RC3H2: variants seen among roughly 807,000 people sequenced by gnomAD.
The protein encoded by RC3H2 is roquin-2.
A neutral mutation model predicts 133.3 loss-of-function variants in RC3H2; 31 were observed. The observed-to-expected ratio is 0.23, with a 90% CI of 0.17 to 0.31. The LOEUF is 0.31. RC3H2 is among the 10% of genes least tolerant of loss of function. The pLI is 1.00. For synonymous variants in RC3H2, 517 were observed against 502.2 expected, an observed-to-expected ratio of 1.03 and a Z score of -0.40; for missense variants, 1,175 against 1,437.2, an observed-to-expected ratio of 0.82 and a Z score of 2.95.
In RC3H2 at chr9:122,855,813, A is replaced by G; in HGVS notation, c.2520T>C (p.Ser840=). 6.2e-7 allele frequency: 1 copy of G among 1,613,836 alleles called. No homozygotes were observed. The highest frequency in any genetic ancestry group is 8.5e-7 in the Non-Finnish European group (1 of 1,179,798). The part of the protein sequence containing the change: ...EDHLSHYSPW[S]CGTIGSCINA... The stretch of plus-strand genomic sequence containing the variant: ...TTATACAGGAGCCTATGGTGCCACA[A>G]GACCAGGGAGAATAATGGGAAAGAT... Residue 840 remains serine (S), a synonymous_variant, in exon 14 of 21, where the codon TCT becomes TCC. Coordinates refer to ENST00000357244, the MANE Select transcript of RC3H2 (RefSeq NM_001100588.3).
rs1183512993 is a variant in RC3H2, at chr9:122,899,090, GTTTTTTTTTTTTTT to G, written c.-67-1528_-67-1515del. On this transcript the variant is annotated intron_variant, in intron 1 of 20. Transcript: ENST00000357244. ...AAAAAATTCTATTAGCCTTTATTGT[GTTTTTTTTTTTTTT>G]TTTTTTTTTTTTTTCAGAGACAGAG... 1.4e-3 allele frequency among the ~76,000 whole-genome samples: 128 copies of G among 88,396 alleles called. 1 individual carries two copies. The highest frequency in any genetic ancestry group is 5.8e-3 in the African/African-American group (120 of 20,794). The allele number at this position is 88,396 out of a possible 152,430, so 58.0% of individuals were successfully genotyped here.
intron 1 of RC3H2, among the ~76,000 whole-genome samples, chr9:122,899,090 GTTTTT>G (rs1183512993): frequency 0.011 from 972 of 88,122 alleles, 4 homozygotes; most frequent in East Asian, 0.042. Flanking sequence ...CCTTTATTGT[GTTTTT>G]TTTTTTTTTT....
chr9:122,882,264 G>T (rs1303917401), intron 5 of RC3H2, among the ~76,000 whole-genome samples: 1 of 152,150 alleles, frequency 6.6e-6, no homozygotes, highest in African/African-American at 2.4e-5. Flanking sequence ...TTCAATTGTT[G>T]CCCTAAGAGC....
In RC3H2 at chr9:122,890,552, G is replaced by A; in HGVS notation, c.350-7C>T. 4 of 1,581,928 alleles carry A rather than the reference G, an allele frequency of 2.5e-6. No individual in the cohort carries two copies. Among genetic ancestry groups the A allele is most frequent in the Non-Finnish European group, 2.6e-6 (3 of 1,161,304 alleles). Reference sequence around the variant, plus strand: ...TGGTTCAAGCTAGCTACACCTTTAGGAAAAGGGAAACAAAGGGAGCTAAAG... The same window carrying A: ...TGGTTCAAGCTAGCTACACCTTTAGAAAAAGGGAAACAAAGGGAGCTAAAG... On this transcript the variant is annotated splice_polypyrimidine_tract_variant and splice_region_variant and intron_variant, in intron 3 of 20. Transcript: ENST00000357244.
At position 122,905,332 on chromosome 9, in the gene RC3H2, C is replaced by G; in HGVS notation, c.-290G>C. ...CCTCCGCCTCCTCCTCCTCCTCCTC[C>G]TCACCACGGAGGCGGACCTGGAGGG... On this transcript the variant is annotated 5_prime_UTR_variant, in exon 1 of 21. Coordinates refer to ENST00000357244, the MANE Select transcript of RC3H2 (RefSeq NM_001100588.3). 1 of 962,830 alleles carries G rather than the reference C, an allele frequency of 1.0e-6. No homozygotes were observed. Among genetic ancestry groups the G allele is most frequent in the Non-Finnish European group, 1.2e-6 (1 of 809,110 alleles). 59.6% of individuals were successfully genotyped at this position (962,830 alleles called of 1,614,324 possible).
intron 9 of RC3H2, chr9:122,874,735 G>C (rs1278639359): frequency 6.4e-6 from 1 of 156,612 alleles, no homozygotes; most frequent in Non-Finnish European, 1.4e-5. Flanking sequence ...GCCCAGGCTG[G>C]TCTCAAACTC....
chr9:122,854,357 C>T, intron 16 of RC3H2, 91 bp from the exon 17 acceptor site: 1 of 1,273,444 alleles, frequency 7.9e-7, no homozygotes, highest in Non-Finnish European at 1.1e-6. Flanking sequence ...GACAGATCAA[C>T]CCTGAAAACT....
At position 122,865,465 on chromosome 9, in the gene RC3H2, T is replaced by A. The variant is rs1217089648; in HGVS notation, c.1518A>T (p.Leu506=). 3 of 1,614,214 alleles carry A rather than the reference T, an allele frequency of 1.9e-6. No individual in the cohort carries two copies. The highest frequency in any genetic ancestry group is 2.5e-6 in the Non-Finnish European group (3 of 1,180,038). The change falls in exon 10 of 21, where the codon CTA becomes CTT. Residue 506 remains leucine, a synonymous_variant. Coordinates refer to ENST00000357244, the MANE Select transcript of RC3H2 (RefSeq NM_001100588.3). ...AGGTACTGTCAGTACTACGTGAGAT[T>A]AGCTGGGAAACACTGTTTTCTGCAT... The part of the protein sequence containing the change: ...ISNAENSVSQ[L]ISRSTDSTLR...
intron 18 of RC3H2, 56 bp from the exon 19 acceptor site, chr9:122,851,492 C>T: frequency 6.3e-7 from 1 of 1,584,390 alleles, no homozygotes; most frequent in Non-Finnish European, 8.6e-7. Context: ...CCATGGTCTC[C>T]CTCTCCCCAT....
chr9:122,865,559 T>C lies in RC3H2; in HGVS notation c.1424A>G (p.Asn475Ser). 6.2e-7 allele frequency: 1 copy of C among 1,614,214 alleles called. No individual in the cohort carries two copies. Reference protein sequence around the residue: ...VNNTVTTTAGNVISVIGSTET... With the variant: ...VNNTVTTTAGSVISVIGSTET... ...AGTACTTCCTATGACAGAAATGACATTTCCGGCTGTGGTTGTGACAGTGTT... is the reference window on the plus strand; with the variant it reads ...AGTACTTCCTATGACAGAAATGACACTTCCGGCTGTGGTTGTGACAGTGTT... Residue 475 changes from asparagine (N) to serine (S), a missense_variant, in exon 10 of 21, where the codon AAT (asparagine) becomes AGT (serine). Physicochemically the swap from Asn to Ser is conservative, Grantham distance 46. Coordinates refer to ENST00000357244, the MANE Select transcript of RC3H2 (RefSeq NM_001100588.3).
At position 122,890,370 on chromosome 9, in the gene RC3H2, C is replaced by T; in HGVS notation, c.525G>A (p.Gln175=). Residue 175 remains glutamine, a synonymous_variant, in exon 4 of 21, where the codon CAG becomes CAA. Transcript: ENST00000357244. ...CAGCGGCCCATAGATTGGCAGACAA[C>T]TGCTGAGGGTTCTGGTGCTGTAATA... is the stretch of plus-strand genomic sequence containing the variant. ...ELILQHQNPQ[Q]LSANLWAAVR... 5 of 1,614,168 alleles carry T rather than the reference C, an allele frequency of 3.1e-6. No homozygotes were observed. The highest frequency in any genetic ancestry group is 4.2e-6 in the Non-Finnish European group (5 of 1,180,026).
intron 9 of RC3H2, among the ~76,000 whole-genome samples, chr9:122,868,837 A>ATG (rs1830892342): frequency 8.1e-6 from 1 of 122,874 alleles, no homozygotes; most frequent in African/African-American, 3.3e-5. Context: ...ATTCCCTCCT[A>ATG]TATGTGTGTG....
At chr9:122,899,282 G>A (rs998976775) in intron 1 of RC3H2, among the ~76,000 whole-genome samples, 1 of 151,698 alleles carries the variant, frequency 6.6e-6, no homozygotes, top group Non-Finnish European at 1.5e-5. Context: ...TAGAGACAGG[G>A]TTTCTCCATG....
At chr9:122,902,541 C>T (rs1394652756) in intron 1 of RC3H2, among the ~76,000 whole-genome samples, 4 of 151,992 alleles carry the variant, frequency 2.6e-5, no homozygotes, top group African/African-American at 9.7e-5. Context: ...TTCTGGTAGT[C>T]ACATTAAAAA....
chr9:122,852,725 T>C (rs1588050470), intron 18 of RC3H2, among the ~76,000 whole-genome samples: 1 of 135,098 alleles, frequency 7.4e-6, no homozygotes, highest in Non-Finnish European at 1.6e-5. Context: ...GGAGCCCCTC[T>C]GCCCGGCCAG....
chr9:122,855,890 A>C lies in RC3H2; in HGVS notation c.2455-12T>G, dbSNP rs183452944. ...ACACTCTCTGAGAACTGGTTAAAAA[A>C]AAATAAATAAAGCCAATTAGTAAGA... On this transcript the variant is annotated splice_polypyrimidine_tract_variant and intron_variant, in intron 13 of 20. Transcript: ENST00000357244. 6.3e-7 allele frequency: 1 copy of C among 1,593,260 alleles called. No individual in the cohort carries two copies. The highest frequency in any genetic ancestry group is 1.4e-5 in the African/African-American group (1 of 73,570).
intron 20 of RC3H2, 35 bp downstream of exon 20, chr9:122,851,046 G>A: frequency 3.7e-6 from 6 of 1,610,970 alleles, no homozygotes; most frequent in Non-Finnish European, 5.1e-6. Context: ...TATGTCCTAT[G>A]CCCACTGTTT....
rs1564305561 is a variant in RC3H2, at chr9:122,879,836, T to C, written c.1131A>G (p.Ala377=). ...VSPTWEQLEN[A]MVAVKTVVHG... ...GAACTACTGTTTTAACAGCTACCAT[T>C]GCATTTTCCAGCTGCTCCCAAGTTG... The change falls in exon 8 of 21, where the codon GCA becomes GCG. Residue 377 remains alanine, a synonymous_variant. Transcript: ENST00000357244. 6.2e-7 allele frequency: 1 copy of C among 1,614,196 alleles called. No homozygotes were observed. The highest frequency in any genetic ancestry group is 1.1e-5 in the South Asian group (1 of 91,084).
intron 18 of RC3H2, among the ~76,000 whole-genome samples, chr9:122,852,505 A>C (rs1185282376): frequency 3.8e-4 from 25 of 65,878 alleles, no homozygotes; most frequent in South Asian, 1.7e-3. Flanking sequence ...CCCTCTGCCT[A>C]GCCAGCCGCC....
Sources: allele counts gnomAD v4.1 joint callset (sites outside exome capture counted in the v4.1 genomes callset), GRCh38; gene constraint gnomAD v4.1.1; transcripts MANE v1.5; gene names NCBI Gene and HGNC (gene_info 2026-07-23, HGNC 2026-07-21).